ZNF892: variants seen among roughly 807,000 people sequenced by gnomAD.
ZNF892 encodes the protein zinc finger protein 570-like.
the ZNF892 span, among the ~76,000 whole-genome samples, chr2:95,253,437 G>T: frequency 6.6e-6 from 1 of 152,120 alleles, no homozygotes; most frequent in South Asian, 2.1e-4. Flanking sequence ...TGTTCCATTG[G>T]TCTATATATC....
chr2:95,224,789 T>C, the ZNF892 span, among the ~76,000 whole-genome samples: 5 of 152,220 alleles, frequency 3.3e-5, no homozygotes, highest in Admixed American at 1.3e-4. Context: ...TAGGGCCTAA[T>C]GGGAGGTCAA....
the ZNF892 span, among the ~76,000 whole-genome samples, chr2:95,247,122 A>C: frequency 2.0e-5 from 3 of 152,262 alleles, no homozygotes; most frequent in African/African-American, 7.2e-5. Flanking sequence ...ACTAGGCTGC[A>C]GTAACCAAAA....
At chr2:95,234,885 C>T in the ZNF892 span, among the ~76,000 whole-genome samples, 1 of 152,220 alleles carries the variant, frequency 6.6e-6, no homozygotes, top group Non-Finnish European at 1.5e-5. Flanking sequence ...CAGGGAAACA[C>T]ATGAATCTGG....
chr2:95,215,828 G>T, the ZNF892 span, among the ~76,000 whole-genome samples: 1 of 152,216 alleles, frequency 6.6e-6, no homozygotes, highest in African/African-American at 2.4e-5. Flanking sequence ...AAAATTATTT[G>T]TAACACCCTA....
the ZNF892 span, among the ~76,000 whole-genome samples, chr2:95,239,300 G>A: frequency 1.3e-5 from 2 of 152,176 alleles, no homozygotes; most frequent in Admixed American, 1.3e-4. Flanking sequence ...AAGATGCTGT[G>A]AACACTGTTG....
At chr2:95,220,155 G>GTA in the ZNF892 span, among the ~76,000 whole-genome samples, 1 of 152,172 alleles carries the variant, frequency 6.6e-6, no homozygotes, top group Non-Finnish European at 1.5e-5. Flanking sequence ...CCACCCCAGG[G>GTA]TAAAGGTGGA....
chr2:95,250,528 CTT>C, the ZNF892 span, among the ~76,000 whole-genome samples: 1 of 145,972 alleles, frequency 6.9e-6, no homozygotes, highest in Non-Finnish European at 1.5e-5. Context: ...TTATAAATTA[CTT>C]ATAAATTTAT....
the ZNF892 span, among the ~76,000 whole-genome samples, chr2:95,209,126 T>C: frequency 3.7e-4 from 56 of 152,334 alleles, no homozygotes; most frequent in African/African-American, 1.3e-3. Context: ...TGAAAGTCTC[T>C]GAAAGAGTTT....
chr2:95,243,687 C>T, the ZNF892 span, among the ~76,000 whole-genome samples: 11 of 150,932 alleles, frequency 7.3e-5, no homozygotes, highest in South Asian at 2.1e-4. Context: ...GGAGCGTCTC[C>T]GCCCGGCAGC....
chr2:95,218,843 A>G, the ZNF892 span, among the ~76,000 whole-genome samples: 1 of 152,104 alleles, frequency 6.6e-6, no homozygotes, highest in African/African-American at 2.4e-5. Flanking sequence ...GAGAAATTGG[A>G]TTGGGACCCC....
chr2:95,211,510 T>C, the ZNF892 span: 485 of 393,010 alleles, frequency 1.2e-3, no homozygotes, highest in Non-Finnish European at 1.9e-3. Context: ...TTGTCTGTCC[T>C]TTTTTTATCC....
the ZNF892 span, among the ~76,000 whole-genome samples, chr2:95,241,698 G>A: frequency 2.6e-4 from 39 of 152,160 alleles, 1 homozygote; most frequent in South Asian, 8.1e-3. Context: ...AACAAACTTT[G>A]CTGAGCTAAA....
chr2:95,262,905 C>T, the ZNF892 span, among the ~76,000 whole-genome samples: 14 of 152,324 alleles, frequency 9.2e-5, no homozygotes, highest in African/African-American at 3.4e-4. Flanking sequence ...TTATAATCAA[C>T]AAACCTATTA....
the ZNF892 span, among the ~76,000 whole-genome samples, chr2:95,243,156 G>A: frequency 0.8 from 121,285 of 152,050 alleles, 48,777 homozygotes; most frequent in African/African-American, 0.88. Context: ...TCAGTGCTCA[G>A]TGGTGCCCAG....
the ZNF892 span, chr2:95,211,689 G>T: frequency 1.3e-5 from 5 of 398,476 alleles, no homozygotes; most frequent in African/African-American, 2.1e-5. Context: ...AGGGAGATGT[G>T]CCTGAGAAGC....
At chr2:95,207,105 C>T in the ZNF892 span, among the ~76,000 whole-genome samples, 3 of 152,306 alleles carry the variant, frequency 2.0e-5, no homozygotes, top group East Asian at 1.9e-4. Flanking sequence ...TACAAACATC[C>T]CTGGTTAAAG....
chr2:95,207,835 G>C, the ZNF892 span: 1 of 398,620 alleles, frequency 2.5e-6, no homozygotes, highest in Non-Finnish European at 4.4e-6. Context: ...GAGGGCAGAG[G>C]TGAGGATTTG....
chr2:95,249,233 T>TATATA, the ZNF892 span, among the ~76,000 whole-genome samples: 1 of 26,548 alleles, frequency 3.8e-5, no homozygotes, highest in African/African-American at 1.7e-4. Context: ...ATATATATAT[T>TATATA]TTTTTTTTTT....
At chr2:95,240,699 A>G in the ZNF892 span, among the ~76,000 whole-genome samples, 1 of 152,138 alleles carries the variant, frequency 6.6e-6, no homozygotes, top group Non-Finnish European at 1.5e-5. Flanking sequence ...TTAAGATAAG[A>G]CCCACTGGTT....
Sources: allele counts gnomAD v4.1 joint callset (sites outside exome capture counted in the v4.1 genomes callset), GRCh38; gene constraint gnomAD v4.1.1; transcripts MANE v1.5; gene names NCBI Gene and HGNC (gene_info 2026-07-23, HGNC 2026-07-21).